Variants in ADGRV1 observed in about 807,000 individuals in gnomAD.
The protein encoded by ADGRV1 is adhesion G protein-coupled receptor V1, also known as G-protein coupled receptor 98.
A neutral mutation model predicts 596.2 loss-of-function variants in ADGRV1; 359 were observed. The observed-to-expected ratio is 0.60, with a 90% CI of 0.55 to 0.66. The LOEUF is 0.66. Ranked by LOEUF, ADGRV1 falls within the 30% of genes least tolerant of loss-of-function variation. The pLI, the probability that ADGRV1 is intolerant of heterozygous loss-of-function variation, is 0.00. For synonymous variants in ADGRV1, 2,681 were observed against 2,679.2 expected (o/e 1.00, Z -0.02); for missense variants, 7,274 against 7,575.6 (o/e 0.96, Z 1.48).
chr5:90,675,426 TCAG>T lies in ADGRV1; in HGVS notation c.5295_5297del (p.Ser1766del). On this transcript the variant is annotated inframe_deletion, in exon 24 of 90. Coordinates refer to ENST00000405460, the MANE Select transcript of ADGRV1 (RefSeq NM_032119.4). The stretch of plus-strand genomic sequence containing the variant: ...TTTAGAACAGTGTCCTTGACAGCAT[TCAG>T]TCCTGAGGATTACCAGGTAATTTAC... 1.9e-6 allele frequency: 3 copies of T among 1,613,524 alleles called. No homozygotes were observed. Among genetic ancestry groups the T allele is most frequent in the Non-Finnish European group, 2.5e-6 (3 of 1,179,682 alleles).
Position 90,681,329 on chromosome 5 carries a change from G to A in ADGRV1, c.5539G>A (p.Ala1847Thr), listed in dbSNP as rs546398340. The A allele has an allele frequency of 1.2e-6, 2 of 1,613,648 alleles. No individual in the cohort carries two copies. The highest frequency in any genetic ancestry group is 1.7e-6 in the Non-Finnish European group (2 of 1,179,760). The stretch of plus-strand genomic sequence containing the variant: ...TGTTCATGCAGCCAGTCTAGGAGTG[G>A]CTTCCCAAATTCTAGTGACAATTGC... The part of the protein sequence containing the change: ...TIHKRASLGV[A>T]SQILVTIAAS... Residue 1847 changes from alanine to threonine, a missense_variant, in exon 27 of 90, where the codon GCT becomes ACT. Coordinates refer to ENST00000405460, the MANE Select transcript of ADGRV1 (RefSeq NM_032119.4).
At position 90,902,659 on chromosome 5, in the gene ADGRV1, G is replaced by T. The variant is rs568102371; in HGVS notation, c.17856+38802G>T. Among the ~76,000 whole-genome samples, 6 of 152,248 alleles carry T rather than the reference G, an allele frequency of 3.9e-5. No homozygotes were observed. In the South Asian group the frequency reaches 6.2e-4, roughly 16 times the overall value. On this transcript the variant is annotated intron_variant, in intron 83 of 89. Transcript: ENST00000405460. ...TCTAAATAAATCATTTTTAAGCGAT[G>T]ATAACATTTTGATTCCAACGTAGTG... is the stretch of plus-strand genomic sequence containing the variant.
chr5:90,734,138 T>C (rs1752913961), intron 50 of ADGRV1, among the ~76,000 whole-genome samples: 1 of 152,228 alleles, frequency 6.6e-6, no homozygotes, highest in South Asian at 2.1e-4. Context: ...ATCGCGTATA[T>C]ATACCACATT....
intron 17 of ADGRV1, among the ~76,000 whole-genome samples, chr5:90,649,358 G>C (rs1377532994): frequency 6.6e-6 from 1 of 151,968 alleles, no homozygotes; most frequent in African/African-American, 2.4e-5. Context: ...AACTTAGTGT[G>C]ATTCTGGTAA....
chr5:90,636,233 G>C (rs1195973182), intron 10 of ADGRV1, among the ~76,000 whole-genome samples: 1 of 151,074 alleles, frequency 6.6e-6, no homozygotes, highest in Non-Finnish European at 1.5e-5. Flanking sequence ...CATTTCCTGA[G>C]TCATAGTTGA....
intron 70 of ADGRV1, chr5:90,791,663 A>C: frequency 4.4e-6 from 1 of 227,556 alleles, no homozygotes. Flanking sequence ...GCACACGCAC[A>C]CACACTGATA....
chr5:90,652,367 C>T lies in ADGRV1; in HGVS notation c.3438C>T (p.Tyr1146=), dbSNP rs781433197. ...GTAGGATTTTGAGGCACCGAGGATACTTTGGTAGTGTTTCTGTATCTTGGC... is the reference window on the plus strand; with the variant it reads ...GTAGGATTTTGAGGCACCGAGGATATTTTGGTAGTGTTTCTGTATCTTGGC... The part of the protein sequence containing the change: ...NAFWILRHRG[Y]FGSVSVSWQL... Residue 1146 remains tyrosine (Y), a synonymous_variant, in exon 19 of 90, where the codon TAC becomes TAT. Coordinates refer to ENST00000405460, the MANE Select transcript of ADGRV1 (RefSeq NM_032119.4). 1.9e-6 allele frequency: 3 copies of T among 1,601,852 alleles called. No homozygotes were observed. In the African/African-American group the frequency reaches 4.0e-5, roughly 21 times the overall value.
chr5:90,686,085 G>A (rs1745592583), intron 29 of ADGRV1, 90 bp downstream of exon 29: 1 of 645,668 alleles, frequency 1.5e-6, no homozygotes, highest in Non-Finnish European at 2.2e-6. Context: ...TCTCAAAGTT[G>A]CAATTAGGAT....
At chr5:90,765,897 A>G (rs1757068335) in intron 59 of ADGRV1, among the ~76,000 whole-genome samples, 1 of 148,368 alleles carries the variant, frequency 6.7e-6, no homozygotes, top group East Asian at 2.0e-4. Flanking sequence ...TTAAAAATTT[A>G]TTTTATTTTA....
At chr5:90,750,795 G>A (rs1286711004) in intron 53 of ADGRV1, 98 bp downstream of exon 53, 16 of 875,824 alleles carry the variant, frequency 1.8e-5, no homozygotes, top group Non-Finnish European at 2.9e-5. Flanking sequence ...GTTTGAGTTT[G>A]ACCATATCAA....
rs371949377 is a variant in ADGRV1 at position 90,863,867 on chromosome 5, C to T, written c.17856+10C>T. 4.4e-5 allele frequency: 68 copies of T among 1,553,566 alleles called. No homozygotes were observed. In the African/African-American group the frequency reaches 5.0e-4, roughly 11 times the overall value. ...CAGCTTAGGTACACAGGTAGGAGAGCGCTGGCATTTTTGATTTATCGTGAG... is the reference window on the plus strand; with the variant it reads ...CAGCTTAGGTACACAGGTAGGAGAGTGCTGGCATTTTTGATTTATCGTGAG... On this transcript the variant is annotated intron_variant, in intron 83 of 89. Transcript: ENST00000405460.
chr5:90,653,555 T>G lies in ADGRV1; in HGVS notation c.3981T>G (p.Ala1327=). The G allele has an allele frequency of 1.2e-6, 2 of 1,613,952 alleles. No individual in the cohort carries two copies. Among genetic ancestry groups the G allele is most frequent in the Non-Finnish European group, 1.7e-6 (2 of 1,179,884 alleles). The change falls in exon 20 of 90, where the codon GCT becomes GCG. Residue 1327 remains alanine (A), a synonymous_variant. Transcript: ENST00000405460. ...GGCGTCACCACAGTGGAACGGATGC[T>G]TTGTACTTTACCGGACTAGAGGGTG... ...HMRRHHSGTD[A]LYFTGLEGAF...
chr5:90,643,775 T>C lies in ADGRV1; in HGVS notation c.2554-28T>C, dbSNP rs780183108. The C allele has an allele frequency of 1.8e-5, 27 of 1,518,668 alleles. No individual in the cohort carries two copies. The Admixed American group carries it at 4.2e-4, about 23-fold the overall frequency. 94.1% of individuals were successfully genotyped at this position (1,518,668 alleles called of 1,614,324 possible). A position where few individuals can be genotyped will look rare whatever the true frequency, so the allele number is the denominator to read the frequency against. On this transcript the variant is annotated intron_variant, in intron 13 of 89. Coordinates refer to ENST00000405460, the MANE Select transcript of ADGRV1 (RefSeq NM_032119.4). The stretch of plus-strand genomic sequence containing the variant: ...TTGTTGTGAAAAGTCAACTTTATAA[T>C]TTCCATACTTTGACACATTCACTTT...
At position 90,872,423 on chromosome 5, in the gene ADGRV1, TTGTGTGTGTGTG is replaced by T. The variant is rs55743704; in HGVS notation, c.17856+8598_17856+8609del. Among the ~76,000 whole-genome samples, 1,441 of 147,426 alleles carry T rather than the reference TTGTGTGTGTGTG, an allele frequency of 9.8e-3. 8 individuals carry two copies. Among genetic ancestry groups the T allele is most frequent in the South Asian group, 0.041 (183 of 4,508 alleles). ...AGAAAATTATACATATGGTATGAGC[TTGTGTGTGTGTG>T]TGTGTGTGTGTGTGTGTGTGTGTGT... On this transcript the variant is annotated intron_variant, in intron 83 of 89. Transcript: ENST00000405460.
intron 83 of ADGRV1, among the ~76,000 whole-genome samples, chr5:90,937,203 A>T (rs1028750350): frequency 6.6e-5 from 10 of 152,022 alleles, no homozygotes; most frequent in Non-Finnish European, 1.5e-4. Context: ...TGACTTATGT[A>T]TTTCTTTAAT....
intron 83 of ADGRV1, among the ~76,000 whole-genome samples, chr5:90,898,261 A>G (rs1446033894): frequency 2.6e-5 from 4 of 152,192 alleles, no homozygotes; most frequent in Non-Finnish European, 4.4e-5. Context: ...AATAATGGAT[A>G]ACACTTTCTG....
At chr5:90,730,637 A>T (rs1342979908) in intron 50 of ADGRV1, among the ~76,000 whole-genome samples, 1 of 152,190 alleles carries the variant, frequency 6.6e-6, no homozygotes, top group Admixed American at 6.5e-5. Context: ...CCAAGGTATT[A>T]TTGCTGTCTG....
rs187223021 is a variant in ADGRV1 at position 91,057,658 on chromosome 5, C to T, written c.18153-14789C>T. ...ACATCCTGTTGACAAAAATAAATTC[C>T]TTATGATAAAATATTTTTCAACTGA... is the stretch of plus-strand genomic sequence containing the variant. On this transcript the variant is annotated intron_variant, in intron 85 of 89. Coordinates refer to ENST00000405460, the MANE Select transcript of ADGRV1 (RefSeq NM_032119.4). 2.1e-3 allele frequency among the ~76,000 whole-genome samples: 316 copies of T among 152,224 alleles called. 3 individuals are homozygous for T. The highest frequency in any genetic ancestry group is 1.0e-3 in the Non-Finnish European group (71 of 68,004).
intron 87 of ADGRV1, among the ~76,000 whole-genome samples, chr5:91,106,975 G>A (rs1456976452): frequency 6.6e-6 from 1 of 152,214 alleles, no homozygotes; most frequent in African/African-American, 2.4e-5. Context: ...TAGCAGAGAA[G>A]TTAAATAGGA....
Sources: allele counts gnomAD v4.1 joint callset (sites outside exome capture counted in the v4.1 genomes callset), GRCh38; gene constraint gnomAD v4.1.1; transcripts MANE v1.5; gene names NCBI Gene and HGNC (gene_info 2026-07-23, HGNC 2026-07-21).